The following NCR3LG1 variants were observed in gnomAD, a reference collection of about 807,000 sequenced individuals.
The protein encoded by NCR3LG1 is natural cytotoxicity triggering receptor 3 ligand 1.
Under a neutral mutation model 34.8 loss-of-function variants are expected in NCR3LG1, and 35 were observed. The observed-to-expected ratio is 1.01, with a 90% CI of 0.77 to 1.33. NCR3LG1 has a LOEUF of 1.33. Among genes scored for constraint, NCR3LG1 ranks in the 40% most tolerant of loss-of-function variants. The pLI, the probability that NCR3LG1 is intolerant of heterozygous loss-of-function variation, is 0.00. For synonymous variants in NCR3LG1, 173 were observed against 163.6 expected (o/e 1.06, Z -0.44); for missense variants, 452 against 423.3 (o/e 1.07, Z -0.60).
intron 2 of NCR3LG1, among the ~76,000 whole-genome samples, chr11:17,362,696 CTTTCTTTCTTTCTTT>C (rs1564856404): frequency 0.029 from 176 of 5,988 alleles, 1 homozygote; most frequent in Non-Finnish European, 0.034. Flanking sequence ...TCCTTCCTTT[CTTTCTTTCTTTCTTT>C]CTTTCTTTCT....
chr11:17,370,686 T>C (rs768262444), intron 4 of NCR3LG1, among the ~76,000 whole-genome samples: 1 of 152,170 alleles, frequency 6.6e-6, no homozygotes, highest in Non-Finnish European at 1.5e-5. Flanking sequence ...AACTGAAGGT[T>C]TCTGTTTGAG....
In NCR3LG1 at chr11:17,356,531, C is replaced by G; in HGVS notation, c.71-120C>G. 4.3e-6 allele frequency: 3 copies of G among 705,774 alleles called. No homozygotes were observed. In the South Asian group the frequency reaches 5.8e-5, roughly 14 times the overall value. 43.7% of individuals were successfully genotyped at this position (705,774 alleles called of 1,614,324 possible). A position where few individuals can be genotyped will look rare whatever the true frequency, so the allele number is the denominator to read the frequency against. On this transcript the variant is annotated intron_variant, in intron 1 of 4. Transcript: ENST00000338965. ...CAAAGGCCCTGCCTCCAGATACCAT[C>G]ACACTGGGGGTCAGGCCTCCATATG...
At chr11:17,371,857 T>C (rs1953409168) in intron 4 of NCR3LG1, 149 bp from the exon 5 acceptor site, 2 of 599,152 alleles carry the variant, frequency 3.3e-6, no homozygotes. Flanking sequence ...CTTTGATCCA[T>C]GGGCAGCACC....
chr11:17,362,219 T>G (rs979951976), intron 2 of NCR3LG1, among the ~76,000 whole-genome samples: 1 of 152,256 alleles, frequency 6.6e-6, no homozygotes, highest in Admixed American at 6.5e-5. Flanking sequence ...TCTGCATTAT[T>G]GGTATGATCA....
Position 17,375,067 on chromosome 11 carries a change from G to A in NCR3LG1, c.*2555G>A, listed in dbSNP as rs557025175. The A allele has an allele frequency of 3.7e-4, 57 of 152,302 alleles. No homozygotes were observed. Among genetic ancestry groups the A allele is most frequent in the African/African-American group, 1.3e-3 (56 of 41,562 alleles). 9.4% of individuals were successfully genotyped at this position (152,302 alleles called of 1,614,324 possible). A position where few individuals can be genotyped will look rare whatever the true frequency, so the allele number is the denominator to read the frequency against. ...CCCTGCTAGTCCCAGAGGCCACCAA[G>A]TTAACCCTGGGGAATAACCTGTTTA... On this transcript the variant is annotated 3_prime_UTR_variant, in exon 5 of 5. Coordinates refer to ENST00000338965, the MANE Select transcript of NCR3LG1 (RefSeq NM_001202439.3).
chr11:17,371,820 C>T (rs973562714), intron 4 of NCR3LG1, among the ~76,000 whole-genome samples, 186 bp from the exon 5 acceptor site: 3 of 152,160 alleles, frequency 2.0e-5, no homozygotes, highest in African/African-American at 7.2e-5. Flanking sequence ...CAAGCTAGCT[C>T]CTCCGGATTC....
chr11:17,377,933 TAACTG>T (rs1172427847), downstream of NCR3LG1, among the ~76,000 whole-genome samples: 3 of 152,114 alleles, frequency 2.0e-5, no homozygotes, highest in African/African-American at 7.2e-5. Flanking sequence ...TATGGAGACT[TAACTG>T]AAAGAGAAGA....
chr11:17,362,724 CTTTCTTTCTTTCTT>C (rs1953288849), intron 2 of NCR3LG1, among the ~76,000 whole-genome samples: 4 of 92,068 alleles, frequency 4.3e-5, no homozygotes, highest in African/African-American at 2.6e-4. Context: ...TTCTTTCTTT[CTTTCTTTCTTTCTT>C]TCTTTCTTTC....
At chr11:17,367,914 G>A (rs1428158440) in intron 3 of NCR3LG1, among the ~76,000 whole-genome samples, 1 of 151,686 alleles carries the variant, frequency 6.6e-6, no homozygotes, top group Non-Finnish European at 1.5e-5. Context: ...TACCTCCCGT[G>A]TTCAAGCGAT....
rs4548594 is a variant in NCR3LG1, at chr11:17,355,913, T to C, written c.71-738T>C. Among the ~76,000 whole-genome samples, 285 of 152,270 alleles carry C rather than the reference T, an allele frequency of 1.9e-3. 3 individuals carry two copies. Among genetic ancestry groups the C allele is most frequent in the African/African-American group, 5.9e-3 (244 of 41,566 alleles). ...TCTGGGCACAAGGGATCCTCTCACC[T>C]CAGCCTCCCAAGTAGCTGGGACTAC... On this transcript the variant is annotated intron_variant, in intron 1 of 4. Transcript: ENST00000338965.
chr11:17,368,166 A>G (rs148681215), intron 3 of NCR3LG1, among the ~76,000 whole-genome samples: 2 of 152,186 alleles, frequency 1.3e-5, no homozygotes, highest in African/African-American at 4.8e-5. Flanking sequence ...GGGCTACAGT[A>G]GAGTGGTTCT....
chr11:17,356,907 G>C lies in NCR3LG1; in HGVS notation c.327G>C (p.Leu109=). 6.5e-7 allele frequency: 1 copy of C among 1,536,174 alleles called. No homozygotes were observed. The highest frequency in any genetic ancestry group is 8.7e-7 in the Non-Finnish European group (1 of 1,146,928). ...RLKSGDASLR[L]PGIQLEEAGE... Reference sequence around the variant, plus strand: ...AGAGTGGGGACGCCTCACTGCGGCTGCCTGGAATCCAGCTGGAGGAAGCAG... The same window carrying C: ...AGAGTGGGGACGCCTCACTGCGGCTCCCTGGAATCCAGCTGGAGGAAGCAG... Residue 109 remains leucine, a synonymous_variant, in exon 2 of 5, where the codon CTG becomes CTC. Transcript: ENST00000338965.
At chr11:17,368,157 G>A (rs2133359434) in intron 3 of NCR3LG1, among the ~76,000 whole-genome samples, 1 of 152,200 alleles carries the variant, frequency 6.6e-6, no homozygotes, top group South Asian at 2.1e-4. Context: ...AGATGGGGAG[G>A]GCTACAGTAG....
chr11:17,354,805 C>A (rs973809962), intron 1 of NCR3LG1, among the ~76,000 whole-genome samples: 3 of 152,098 alleles, frequency 2.0e-5, no homozygotes, highest in African/African-American at 7.2e-5. Flanking sequence ...TAGACTTGCA[C>A]AAATCTTTGA....
At chr11:17,367,593 G>C (rs899026332) in intron 3 of NCR3LG1, among the ~76,000 whole-genome samples, 2 of 152,170 alleles carry the variant, frequency 1.3e-5, no homozygotes, top group Non-Finnish European at 2.9e-5. Flanking sequence ...ATCAGGTGGA[G>C]CAGGGCTATT....
At chr11:17,354,354 T>C (rs1953179295) in intron 1 of NCR3LG1, among the ~76,000 whole-genome samples, 1 of 152,246 alleles carries the variant, frequency 6.6e-6, no homozygotes, top group South Asian at 2.1e-4. Flanking sequence ...TGAAAATACA[T>C]GGAGGTCCTG....
chr11:17,368,766 A>G (rs2133360208), intron 3 of NCR3LG1, 101 bp from the exon 4 acceptor site: 1 of 777,816 alleles, frequency 1.3e-6, no homozygotes, highest in Middle Eastern at 2.2e-4. Flanking sequence ...AATCTCTGAC[A>G]AGGAGGATGA....
At chr11:17,371,880 C>T in intron 4 of NCR3LG1, 126 bp from the exon 5 acceptor site, 1 of 606,706 alleles carries the variant, frequency 1.6e-6, no homozygotes, top group Non-Finnish European at 2.9e-6. Flanking sequence ...TAATGGTCAC[C>T]AGGAACCTGA....
At chr11:17,367,465 G>T in intron 3 of NCR3LG1, 118 bp downstream of exon 3, 1 of 874,838 alleles carries the variant, frequency 1.1e-6, no homozygotes, top group South Asian at 1.8e-5. Flanking sequence ...AGAAAGCTTG[G>T]ACTGGAAGGA....
Sources: allele counts gnomAD v4.1 joint callset (sites outside exome capture counted in the v4.1 genomes callset), GRCh38; gene constraint gnomAD v4.1.1; transcripts MANE v1.5; gene names NCBI Gene and HGNC (gene_info 2026-07-23, HGNC 2026-07-21).